The following NLRP7 variants were observed in gnomAD, a reference collection of about 807,000 sequenced individuals.
The protein encoded by NLRP7 is NACHT, LRR and PYD domains-containing protein 7.
A neutral mutation model predicts 85.5 loss-of-function variants in NLRP7; 72 were observed. That is an observed-to-expected ratio of 0.84 (90% CI 0.70 to 1.02). The LOEUF (loss-of-function observed/expected upper bound fraction) is 1.02, where lower values mean the gene tolerates loss of function less well. Ranked by LOEUF, NLRP7 falls within the 50% of genes least tolerant of loss-of-function variation. The probability of loss-of-function intolerance (pLI) is 0.00; values close to 1 mark genes in which losing one functional copy is unlikely to be tolerated. For synonymous variants in NLRP7, 550 were observed against 505.2 expected, an observed-to-expected ratio of 1.09 and a Z score of -1.19; for missense variants, 1,243 against 1,219.5, an observed-to-expected ratio of 1.02 and a Z score of -0.29.
upstream of NLRP7, among the ~76,000 whole-genome samples, chr19:54,951,753 A>T (rs2069676324): frequency 1.4e-5 from 2 of 143,582 alleles, no homozygotes; most frequent in Admixed American, 7.0e-5. Context: ...CATTAGACGA[A>T]TTTTTTTTTT....
At chr19:54,941,267 G>A (rs2069207205) in intron 2 of NLRP7, among the ~76,000 whole-genome samples, 168 bp downstream of exon 2, 1 of 151,124 alleles carries the variant, frequency 6.6e-6, no homozygotes, top group Non-Finnish European at 1.5e-5. Flanking sequence ...CTACTCCGGA[G>A]GCTGAGATAG....
chr19:54,946,227 T>C (rs1392597507), intron 1 of NLRP7, among the ~76,000 whole-genome samples: 2 of 151,560 alleles, frequency 1.3e-5, no homozygotes, highest in Admixed American at 6.6e-5. Flanking sequence ...TTTTTTTTTT[T>C]TGATGCAGCA....
chr19:54,940,202 T>C, exon 4 of NLRP7: 1 of 1,614,190 alleles, frequency 6.2e-7, no homozygotes, highest in South Asian at 1.1e-5. Flanking sequence ...GTAGAACGCG[T>C]ATCTGAGCGT....
chr19:54,924,009 C>A, intron 9 of NLRP7, 137 bp from the exon 11 acceptor site: 1 of 935,878 alleles, frequency 1.1e-6, no homozygotes, highest in Non-Finnish European at 1.7e-6. Context: ...GCTCTGTTGC[C>A]CAGGCTGGGG....
At chr19:54,944,016 C>T (rs1247561009) in intron 1 of NLRP7, among the ~76,000 whole-genome samples, 1 of 152,102 alleles carries the variant, frequency 6.6e-6, no homozygotes, top group Non-Finnish European at 1.5e-5. Flanking sequence ...GGACACAATA[C>T]ACTGCGGAAG....
intron 3 of NLRP7, 76 bp downstream of exon 3, chr19:54,940,840 ACTACCAGAAATGAAT>A: frequency 1.1e-6 from 1 of 881,390 alleles, no homozygotes; most frequent in Non-Finnish European, 1.9e-6. Flanking sequence ...AAAAAAAAAA[ACTACCAGAAATGAAT>A]AAAACCAGGA....
intron 1 of NLRP7, among the ~76,000 whole-genome samples, chr19:54,964,468 G>A (rs376813436): frequency 1.3e-5 from 2 of 151,580 alleles, no homozygotes; most frequent in South Asian, 4.1e-4. Context: ...CACCTGCCTC[G>A]GCCTCCCAAA....
chr19:54,962,928 G>A (rs1045437015), intron 1 of NLRP7, among the ~76,000 whole-genome samples: 1 of 152,110 alleles, frequency 6.6e-6, no homozygotes, highest in Non-Finnish European at 1.5e-5. Context: ...TCTAGGATAG[G>A]CAACTGAGCG....
At chr19:54,942,461 C>T (rs2069275691) in intron 1 of NLRP7, among the ~76,000 whole-genome samples, 1 of 151,978 alleles carries the variant, frequency 6.6e-6, no homozygotes, top group Non-Finnish European at 1.5e-5. Flanking sequence ...CGGTGGCTCA[C>T]GCCTGTAATC....
intron 5 of NLRP7, among the ~76,000 whole-genome samples, chr19:54,937,600 T>A (rs1478714160): frequency 2.4e-4 from 32 of 132,316 alleles, no homozygotes; most frequent in Admixed American, 5.2e-4. Flanking sequence ...TCAGAAAAAA[T>A]AAAAAATAAA....
exon 4 of NLRP7, chr19:54,939,832 C>G: frequency 6.2e-7 from 1 of 1,614,042 alleles, no homozygotes; most frequent in East Asian, 2.2e-5. Context: ...AATAGGCCCT[C>G]CTGTCCTCCT....
upstream of NLRP7, chr19:54,947,637 G>A (rs1375360300): frequency 3.9e-6 from 5 of 1,289,278 alleles, no homozygotes; most frequent in East Asian, 5.6e-5. Flanking sequence ...CTGACCTCAG[G>A]CTCACCTTGA....
intron 1 of NLRP7, among the ~76,000 whole-genome samples, chr19:54,943,632 G>T (rs2146240288): frequency 6.6e-6 from 1 of 152,228 alleles, no homozygotes; most frequent in South Asian, 2.1e-4. Flanking sequence ...AGGCAGCCTG[G>T]AAAATAAATA....
intron 1 of NLRP7, among the ~76,000 whole-genome samples, chr19:54,944,313 G>A (rs934823134): frequency 1.3e-5 from 2 of 151,630 alleles, no homozygotes; most frequent in East Asian, 3.9e-4. Flanking sequence ...GGCTGGAGGT[G>A]ACACATGCTG....
intron 6 of NLRP7, among the ~76,000 whole-genome samples, chr19:54,935,445 T>A (rs971690267): frequency 3.3e-5 from 5 of 152,012 alleles, no homozygotes. Flanking sequence ...CCTGTAATCC[T>A]AGCACTTTGG....
At position 54,934,649 on chromosome 19, in the gene NLRP7, G is replaced by A; in HGVS notation, c.2311C>T (p.His771Tyr). The A allele has an allele frequency of 6.2e-7, 1 of 1,613,354 alleles. No homozygotes were observed. Among genetic ancestry groups the A allele is most frequent in the Non-Finnish European group, 8.5e-7 (1 of 1,179,716 alleles). ...GCCCACTGCTCCGGGGTGGCACAGTGACCTCCCAACCTGTGAAAAGAGTGG... is the reference window on the plus strand; with the variant it reads ...GCCCACTGCTCCGGGGTGGCACAGTAACCTCCCAACCTGTGAAAAGAGTGG... Residue 771 changes from histidine (H) to tyrosine (Y), a missense_variant, in exon 7 of 10, where the codon CAC becomes TAC. Physicochemically the swap from His to Tyr is moderately conservative, Grantham distance 83. Coordinates refer to ENST00000340844, the Ensembl canonical transcript of NLRP7. This position sits in a 1 kb window ranked among gnomAD's most constrained non-coding sequence, Gnocchi z 6.7.
chr19:54,943,329 C>A (rs962297614), intron 1 of NLRP7, among the ~76,000 whole-genome samples: 1 of 150,074 alleles, frequency 6.7e-6, no homozygotes, highest in Non-Finnish European at 1.5e-5. Flanking sequence ...TGGCCGGGTG[C>A]GGTGGCTCAC....
At chr19:54,962,982 G>A (rs2070113369) in intron 1 of NLRP7, among the ~76,000 whole-genome samples, 1 of 152,140 alleles carries the variant, frequency 6.6e-6, no homozygotes, top group South Asian at 2.1e-4. Context: ...AGCTGTTTGT[G>A]ATCTTCAAGA....
At chr19:54,951,300 A>G (rs929136090), upstream of NLRP7, among the ~76,000 whole-genome samples, 3 of 151,956 alleles carry the variant, frequency 2.0e-5, no homozygotes, top group South Asian at 2.1e-4. Flanking sequence ...TAATCCCAGC[A>G]CTTTGGGAGG....
Sources: gnomAD v4.1 joint callset for allele counts (sites outside exome capture counted in the v4.1 genomes callset) on GRCh38, gnomAD v4.1.1 for gene constraint, Gnocchi (gnomAD v3.1) non-coding constraint, MANE v1.5 for transcripts, NCBI Gene and HGNC (gene_info 2026-07-23, HGNC 2026-07-21) for gene names.